CNTN3: variants seen among roughly 807,000 people sequenced by gnomAD.
CNTN3 encodes contactin-3.
Under a neutral mutation model 119.1 loss-of-function variants are expected in CNTN3, and 60 were observed. The ratio of observed to expected loss-of-function variants is 0.50; its 90% confidence interval spans 0.41 to 0.62. The LOEUF (loss-of-function observed/expected upper bound fraction) is 0.62. CNTN3 is among the 20% of genes least tolerant of loss of function. CNTN3 has a pLI of 0.00. For synonymous variants in CNTN3, 450 were observed against 438.7 expected (o/e 1.03, Z -0.32); for missense variants, 1,101 against 1,242.4 (o/e 0.89, Z 1.71).
At chr3:74,367,390 T>A (rs1006380334) in intron 8 of CNTN3, among the ~76,000 whole-genome samples, 3 of 152,132 alleles carry the variant, frequency 2.0e-5, no homozygotes, top group Non-Finnish European at 4.4e-5. Context: ...CAATTTTTAA[T>A]TCAGTTGTCC....
chr3:74,382,843 T>A (rs552445430), intron 5 of CNTN3, among the ~76,000 whole-genome samples: 3 of 152,214 alleles, frequency 2.0e-5, no homozygotes, highest in African/African-American at 4.8e-5. Context: ...AGTGCAGATA[T>A]CTCTTCAGAA....
chr3:74,363,443 T>C (rs1436044260), intron 10 of CNTN3, among the ~76,000 whole-genome samples: 1 of 152,176 alleles, frequency 6.6e-6, no homozygotes, highest in Admixed American at 6.5e-5. Context: ...ACTGGTCCTC[T>C]ACCTCTCCAC....
At chr3:74,424,375 T>A (rs1212879398) in intron 5 of CNTN3, among the ~76,000 whole-genome samples, 1 of 145,148 alleles carries the variant, frequency 6.9e-6, no homozygotes, top group Non-Finnish European at 1.5e-5. Flanking sequence ...TACACACATA[T>A]CATTTCTATG....
intron 11 of CNTN3, among the ~76,000 whole-genome samples, chr3:74,337,929 GA>G (rs527697370): frequency 3.5e-4 from 52 of 148,538 alleles, no homozygotes; most frequent in East Asian, 5.9e-4. Context: ...TTTGAATTAC[GA>G]AAAAAAAATG....
rs150175817 is a variant in CNTN3 at position 74,559,966 on chromosome 3, CAAGGA to C, written c.-80-38779_-80-38775del. 2.9e-3 allele frequency among the ~76,000 whole-genome samples: 438 copies of C among 152,280 alleles called. 2 individuals carry two copies. Among genetic ancestry groups the C allele is most frequent in the African/African-American group, 0.01 (416 of 41,552 alleles). On this transcript the variant is annotated intron_variant, in intron 1 of 22. Transcript: ENST00000263665. ...TCACCTAGTTCAGAATATGCACCTC[CAAGGA>C]AACTAACATCATGCATCATCCATTC...
intron 11 of CNTN3, among the ~76,000 whole-genome samples, chr3:74,344,766 C>T (rs1703651017): frequency 6.6e-6 from 1 of 152,084 alleles, no homozygotes; most frequent in Non-Finnish European, 1.5e-5. Context: ...GGCCATTACG[C>T]AGTGTTTTTA....
rs570120238 is a variant in CNTN3 at position 74,434,486 on chromosome 3, G to A, written c.359-9546C>T. 1.4e-4 allele frequency among the ~76,000 whole-genome samples: 21 copies of A among 152,076 alleles called. No homozygotes were observed. In the South Asian group the frequency reaches 3.1e-3, roughly 23 times the overall value. On this transcript the variant is annotated intron_variant, in intron 4 of 22. Coordinates refer to ENST00000263665, the MANE Select transcript of CNTN3 (RefSeq NM_020872.3). Reference sequence around the variant, plus strand: ...TCATGCCCAACTTTTCTGAACACTCGCTCTACTGCCCACCCCCAGAGGTCC... The same window carrying A: ...TCATGCCCAACTTTTCTGAACACTCACTCTACTGCCCACCCCCAGAGGTCC...
In CNTN3 at chr3:74,513,284, A is replaced by C. The variant is rs898971814; in HGVS notation, c.55+7774T>G. ...ACCAGTGCTTCCATGTCCACAAGTG[A>C]CACCAATCAATGTCACAATGGCAGC... On this transcript the variant is annotated intron_variant, in intron 2 of 22. Transcript: ENST00000263665. Among the ~76,000 whole-genome samples the C allele has an allele frequency of 4.6e-5, 7 of 152,168 alleles. No individual in the cohort carries two copies. The South Asian group carries it at 1.0e-3, about 23-fold the overall frequency.
intron 4 of CNTN3, among the ~76,000 whole-genome samples, chr3:74,435,577 A>G (rs1207525927): frequency 6.6e-6 from 1 of 152,212 alleles, no homozygotes; most frequent in African/African-American, 2.4e-5. Flanking sequence ...TTATGAAGTC[A>G]TAAGAGTATG....
chr3:74,424,682 T>A (rs545220486), intron 5 of CNTN3, among the ~76,000 whole-genome samples, 163 bp downstream of exon 5: 21 of 152,366 alleles, frequency 1.4e-4, no homozygotes, highest in African/African-American at 4.6e-4. Context: ...CTGGATGGAC[T>A]ATTTTTTGTA....
At chr3:74,333,912 A>G (rs190462790) in intron 13 of CNTN3, among the ~76,000 whole-genome samples, 1 of 152,290 alleles carries the variant, frequency 6.6e-6, no homozygotes, top group Admixed American at 6.5e-5. Context: ...TTGACTGTCC[A>G]CCATGGACCT....
chr3:74,611,935 C>T (rs1261013587), intron 1 of CNTN3, among the ~76,000 whole-genome samples: 1 of 152,144 alleles, frequency 6.6e-6, no homozygotes, highest in Non-Finnish European at 1.5e-5. Context: ...TATTCCACTA[C>T]ATAAAATTAA....
intron 8 of CNTN3, among the ~76,000 whole-genome samples, chr3:74,368,515 T>A (rs1256503063): frequency 6.6e-6 from 1 of 152,038 alleles, no homozygotes; most frequent in African/African-American, 2.4e-5. Flanking sequence ...TTATTCTAAG[T>A]CATGTTTTCA....
At chr3:74,594,412 T>G (rs1032332060) in intron 1 of CNTN3, among the ~76,000 whole-genome samples, 2 of 151,964 alleles carry the variant, frequency 1.3e-5, no homozygotes, top group Non-Finnish European at 2.9e-5. Flanking sequence ...CATTTAGCAT[T>G]AGGTATATCT....
chr3:74,400,263 A>G (rs770010998), intron 5 of CNTN3, among the ~76,000 whole-genome samples: 2 of 152,102 alleles, frequency 1.3e-5, no homozygotes, highest in Non-Finnish European at 2.9e-5. Flanking sequence ...TAACTTTCTC[A>G]TTTGTTTATC....
intron 4 of CNTN3, among the ~76,000 whole-genome samples, chr3:74,444,739 T>G (rs554458587): frequency 3.3e-5 from 5 of 152,180 alleles, no homozygotes; most frequent in Non-Finnish European, 7.3e-5. Flanking sequence ...TTGAGGCATT[T>G]TCAGCAAAAA....
intron 2 of CNTN3, among the ~76,000 whole-genome samples, chr3:74,517,725 C>G (rs1253353836): frequency 6.6e-6 from 1 of 151,784 alleles, no homozygotes; most frequent in Non-Finnish European, 1.5e-5. Flanking sequence ...CATCTCTGTT[C>G]AATCTTTTGT....
intron 5 of CNTN3, among the ~76,000 whole-genome samples, chr3:74,399,667 T>C (rs1040639870): frequency 1.3e-5 from 2 of 152,158 alleles, no homozygotes; most frequent in Non-Finnish European, 2.9e-5. Context: ...AGTGATGGAA[T>C]TGCTGGGTCG....
intron 4 of CNTN3, among the ~76,000 whole-genome samples, chr3:74,457,528 A>G (rs1702292769): frequency 1.3e-5 from 2 of 152,020 alleles, no homozygotes; most frequent in Non-Finnish European, 2.9e-5. Context: ...AAATAAACCC[A>G]ATATTCAAAT....
Sources: gnomAD v4.1 joint callset for allele counts (sites outside exome capture counted in the v4.1 genomes callset) on GRCh38, gnomAD v4.1.1 for gene constraint, MANE v1.5 for transcripts, NCBI Gene and HGNC (gene_info 2026-07-23, HGNC 2026-07-21) for gene names.